The following MAP4 variants were observed in gnomAD, a reference collection of about 807,000 sequenced individuals.
MAP4 encodes microtubule associated protein 4.
Under a neutral mutation model 170.2 loss-of-function variants are expected in MAP4, and 76 were observed. That is an observed-to-expected ratio of 0.45 (90% CI 0.37 to 0.54). The LOEUF is 0.54. Ranked by LOEUF, MAP4 falls within the 20% of genes least tolerant of loss-of-function variation. The pLI is 0.00. For synonymous variants in MAP4, 909 were observed against 994.5 expected, an observed-to-expected ratio of 0.91 and a Z score of 1.62; for missense variants, 2,506 against 2,748.0, an observed-to-expected ratio of 0.91 and a Z score of 1.97.
rs139122945 is a variant in MAP4 at position 48,035,942 on chromosome 3, C to G, written c.-19-37063G>C. Among the ~76,000 whole-genome samples the G allele has an allele frequency of 2.7e-4, 41 of 151,864 alleles. No individual in the cohort carries two copies. The East Asian group carries it at 6.6e-3, about 24-fold the overall frequency. ...GCGACAGAGCGAGACTCCATCCCCC[C>G]CTCTCAAAAAAAAACAGCAGTTATT... On this transcript the variant is annotated intron_variant, in intron 1 of 18. Coordinates refer to the MAP4 transcript ENST00000360240.
Position 48,034,132 on chromosome 3 carries a change from A to T in MAP4, c.-19-35253T>A, listed in dbSNP as rs77008171. 8.9e-3 allele frequency among the ~76,000 whole-genome samples: 1,348 copies of T among 152,226 alleles called. 8 individuals carry two copies. The highest frequency in any genetic ancestry group is 0.014 in the South Asian group (69 of 4,824). On this transcript the variant is annotated intron_variant, in intron 1 of 18. Coordinates refer to the MAP4 transcript ENST00000360240. ...ATCAGTAGTATTCTATTTCACAGAA[A>T]ACTCACACTCCTGCCCTAAACATAA...
chr3:48,022,813 C>T (rs2100111199), intron 1 of MAP4, among the ~76,000 whole-genome samples: 1 of 152,110 alleles, frequency 6.6e-6, no homozygotes, highest in Non-Finnish European at 1.5e-5. Flanking sequence ...ATCACTTGAA[C>T]CCGGGAGGCA....
intron 1 of MAP4, among the ~76,000 whole-genome samples, chr3:48,063,740 C>T (rs776184623): frequency 6.6e-6 from 1 of 151,934 alleles, no homozygotes; most frequent in Non-Finnish European, 1.5e-5. Context: ...GAAAAAAAAG[C>T]CAATCTGAAA....
chr3:48,059,909 G>C (rs999603779), intron 1 of MAP4, among the ~76,000 whole-genome samples: 2 of 151,118 alleles, frequency 1.3e-5, no homozygotes, highest in African/African-American at 4.9e-5. Context: ...GAACCTGGAG[G>C]ATGCAGTGGG....
chr3:47,902,764 C>T (rs993337047), intron 10 of MAP4, among the ~76,000 whole-genome samples, 186 bp downstream of exon 10: 1 of 149,936 alleles, frequency 6.7e-6, no homozygotes, highest in Non-Finnish European at 1.5e-5. Flanking sequence ...TCACAAATGG[C>T]ACTACAGTTA....
intron 1 of MAP4, among the ~76,000 whole-genome samples, chr3:48,037,894 C>T: frequency 6.6e-6 from 1 of 151,938 alleles, no homozygotes. Flanking sequence ...CGGCCAGGCA[C>T]AGTGGCTCAC....
intron 1 of MAP4, among the ~76,000 whole-genome samples, chr3:48,074,155 G>A (rs1394671587): frequency 6.6e-6 from 1 of 152,002 alleles, no homozygotes; most frequent in Admixed American, 6.6e-5. Flanking sequence ...CATGTCCTTT[G>A]TAGGGACATG....
upstream of MAP4, among the ~76,000 whole-genome samples, chr3:48,016,916 G>C (rs1476681368): frequency 6.6e-6 from 1 of 151,882 alleles, no homozygotes; most frequent in Non-Finnish European, 1.5e-5. Flanking sequence ...AGCTGCGATT[G>C]CAGGCATGCA....
chr3:48,058,842 C>T (rs2100133630), intron 1 of MAP4, among the ~76,000 whole-genome samples: 1 of 152,148 alleles, frequency 6.6e-6, no homozygotes, highest in Admixed American at 6.5e-5. Context: ...TGCAATGGCA[C>T]TATCTCGGCT....
intron 9 of MAP4, 41 bp downstream of exon 9, chr3:47,908,997 A>G: frequency 6.4e-7 from 1 of 1,570,030 alleles, no homozygotes; most frequent in East Asian, 2.2e-5. Context: ...TGCTGACTCA[A>G]AAGCCACAAG....
intron 3 of MAP4, among the ~76,000 whole-genome samples, chr3:47,954,880 G>A (rs780022668): frequency 3.9e-4 from 59 of 152,214 alleles, no homozygotes; most frequent in Middle Eastern, 3.4e-3. Flanking sequence ...CTTGACTATT[G>A]GCAGAGCTCC....
rs1218380976 is a variant in MAP4, at chr3:47,910,155, T to C, written c.4266A>G (p.Pro1422=). Residue 1422 remains proline, a synonymous_variant, in exon 9 of 21, where the codon CCA becomes CCG. Coordinates refer to ENST00000683076, the MANE Select transcript of MAP4 (RefSeq NM_001385682.1). The part of the protein sequence containing the change: ...RNITFTCPRT[P]SELINKSSPL... ...GAGATGATTTATTTATCAGCTCTGATGGTGTTCTGGGACAGGTAAATGTAA... is the reference window on the plus strand; with the variant it reads ...GAGATGATTTATTTATCAGCTCTGACGGTGTTCTGGGACAGGTAAATGTAA... 2.5e-6 allele frequency: 4 copies of C among 1,613,902 alleles called. No homozygotes were observed. Among genetic ancestry groups the C allele is most frequent in the Non-Finnish European group, 2.5e-6 (3 of 1,179,890 alleles).
rs761418688 is a variant in MAP4, at chr3:47,911,642, G to GTC, written c.2777_2778dup (p.Pro927AspfsTer3). 13 of 1,536,038 alleles carry GTC rather than the reference G, an allele frequency of 8.5e-6. 1 individual carries two copies. In the South Asian group the frequency reaches 1.4e-4, roughly 17 times the overall value. On this transcript the variant is annotated frameshift_variant, in exon 9 of 21. Coordinates refer to ENST00000683076, the MANE Select transcript of MAP4 (RefSeq NM_001385682.1). LOFTEE classifies it high-confidence loss of function. This position sits in a 1 kb window ranked among gnomAD's most constrained non-coding sequence, Gnocchi z 4.0. ...TTGTATGCAGAAACTTCTGCTAGGG[G>GTC]TCCTTTCAGATTGAGAGGGCCTACT...
chr3:48,063,120 A>G (rs979996601), intron 1 of MAP4, among the ~76,000 whole-genome samples: 2 of 151,980 alleles, frequency 1.3e-5, no homozygotes, highest in South Asian at 2.1e-4. Flanking sequence ...GAAATTATTA[A>G]TAAGAAAAAA....
intron 1 of MAP4, among the ~76,000 whole-genome samples, chr3:48,012,588 G>A (rs1274335137): frequency 1.3e-5 from 2 of 152,082 alleles, no homozygotes; most frequent in Non-Finnish European, 2.9e-5. Flanking sequence ...TCATTTATCA[G>A]AATGCAGATT....
chr3:48,024,066 C>T (rs1483259262), intron 1 of MAP4, among the ~76,000 whole-genome samples: 2 of 152,190 alleles, frequency 1.3e-5, no homozygotes, highest in Non-Finnish European at 2.9e-5. Context: ...AATCCCAGCA[C>T]TTGGGGAGGC....
At chr3:47,914,787 C>T (rs1465043315) in intron 8 of MAP4, 30 bp downstream of exon 8, 2 of 1,613,768 alleles carry the variant, frequency 1.2e-6, no homozygotes. Flanking sequence ...TAATTTGTTT[C>T]AAAGAGTTCA....
intron 1 of MAP4, among the ~76,000 whole-genome samples, chr3:48,074,675 A>AG (rs1559905905): frequency 3.4e-4 from 5 of 14,902 alleles, no homozygotes; most frequent in African/African-American, 5.2e-4. Flanking sequence ...CATCCAGCTA[A>AG]TTGTGTGTGT....
At chr3:47,951,723 G>A (rs2154104374) in intron 3 of MAP4, among the ~76,000 whole-genome samples, 2 of 152,336 alleles carry the variant, frequency 1.3e-5, no homozygotes, top group African/African-American at 4.8e-5. Flanking sequence ...CCAGCCACCT[G>A]CCTTGGCCTC....
Sources: gnomAD v4.1 joint callset for allele counts (sites outside exome capture counted in the v4.1 genomes callset) on GRCh38, gnomAD v4.1.1 for gene constraint, Gnocchi (gnomAD v3.1) non-coding constraint, MANE v1.5 for transcripts, NCBI Gene and HGNC (gene_info 2026-07-23, HGNC 2026-07-21) for gene names.